Variants in ACBD6 observed in about 807,000 individuals in gnomAD.
The protein encoded by ACBD6 is acyl-CoA binding domain containing 6, also known as acyl-CoA-binding domain-containing protein 6.
ACBD6 carries 28 observed loss-of-function variants against 37.2 expected under a neutral mutation model. The ratio of observed to expected loss-of-function variants is 0.75; its 90% CI spans 0.56 to 1.03. The LOEUF is 1.03. Ranked by LOEUF, ACBD6 falls within the 50% of genes least tolerant of loss-of-function variation. ACBD6 has a pLI of 0.00. For missense variants in ACBD6, 340 were observed against 337.4 expected (o/e 1.01, Z -0.06); for synonymous variants, 113 against 126.8 (o/e 0.89, Z 0.73).
chr1:180,271,540 A>G (rs1364289106), exon 14 of ACBD6: 1 of 1,614,006 alleles, frequency 6.2e-7, no homozygotes, highest in South Asian at 1.1e-5. Flanking sequence ...TACAGGTGAG[A>G]TGCCAGCACT....
intron 3 of ACBD6, among the ~76,000 whole-genome samples, chr1:180,453,678 T>C (rs888902043): frequency 6.6e-6 from 1 of 152,246 alleles, no homozygotes; most frequent in Non-Finnish European, 1.5e-5. Flanking sequence ...CTCCTAAAGC[T>C]GATAAGCAAC....
chr1:180,288,967 C>T (rs1489446606), intron 7 of ACBD6, among the ~76,000 whole-genome samples: 1 of 146,950 alleles, frequency 6.8e-6, no homozygotes, highest in Non-Finnish European at 1.5e-5. Context: ...GGGTAACTAA[C>T]TGAACTTTAC....
chr1:180,392,854 C>T (rs554843750), intron 6 of ACBD6, among the ~76,000 whole-genome samples: 3 of 152,012 alleles, frequency 2.0e-5, no homozygotes, highest in Non-Finnish European at 2.9e-5. Flanking sequence ...TAAGCTTATA[C>T]AATTTATATG....
intron 4 of ACBD6, among the ~76,000 whole-genome samples, chr1:180,420,116 T>C (rs1015761219): frequency 4.3e-4 from 65 of 151,846 alleles, no homozygotes; most frequent in African/African-American, 1.5e-3. Flanking sequence ...TTCCTCATCA[T>C]ATCTATCTGG....
At chr1:180,349,157 T>C (rs543267941) in intron 6 of ACBD6, among the ~76,000 whole-genome samples, 5 of 151,966 alleles carry the variant, frequency 3.3e-5, no homozygotes, top group African/African-American at 7.2e-5. Flanking sequence ...TATTTACTTA[T>C]AAAAAAATAG....
chr1:180,476,984 A>G (rs1196886238), intron 3 of ACBD6, among the ~76,000 whole-genome samples: 1 of 152,220 alleles, frequency 6.6e-6, no homozygotes, highest in Admixed American at 6.5e-5. Context: ...ATTACACAAT[A>G]TAATGCTTTG....
intron 3 of ACBD6, among the ~76,000 whole-genome samples, chr1:180,455,386 G>A (rs949504340): frequency 6.6e-6 from 1 of 152,052 alleles, no homozygotes. Context: ...TGGGGGACAG[G>A]GGGAGGGATA....
intron 6 of ACBD6, among the ~76,000 whole-genome samples, chr1:180,362,081 A>T (rs955045688): frequency 1.3e-5 from 2 of 152,138 alleles, no homozygotes; most frequent in African/African-American, 4.8e-5. Context: ...AATATCTTTA[A>T]TCATACTAAA....
In ACBD6 at chr1:180,416,674, A is replaced by C. The variant is rs1470461924; in HGVS notation, c.468-3203T>G. Among the ~76,000 whole-genome samples, 9 of 152,330 alleles carry C rather than the reference A, an allele frequency of 5.9e-5. 1 individual carries two copies. The East Asian group carries it at 1.2e-3, about 20-fold the overall frequency. On this transcript the variant is annotated intron_variant, in intron 4 of 7. Coordinates refer to ENST00000367595, the MANE Select transcript of ACBD6 (RefSeq NM_032360.4). ...AATACATTTATATTCCTGAAGGAAT[A>C]ATCACTGGTTTTGACATTCTTTTGA...
intron 6 of ACBD6, among the ~76,000 whole-genome samples, chr1:180,349,456 C>T (rs1266339951): frequency 1.3e-5 from 2 of 151,830 alleles, no homozygotes; most frequent in Admixed American, 6.6e-5. Flanking sequence ...GGGGTTTCAC[C>T]GTGTTAGCCA....
At chr1:180,379,055 G>C (rs963348680) in intron 6 of ACBD6, among the ~76,000 whole-genome samples, 5 of 152,072 alleles carry the variant, frequency 3.3e-5, no homozygotes, top group Admixed American at 6.5e-5. Context: ...ACACCACCCT[G>C]GGGTCTAAAG....
At chr1:180,371,738 G>C (rs1653273171) in intron 6 of ACBD6, among the ~76,000 whole-genome samples, 1 of 151,996 alleles carries the variant, frequency 6.6e-6, no homozygotes, top group African/African-American at 2.4e-5. Context: ...AACCACTAGA[G>C]GTTTTTGATC....
intron 7 of ACBD6, among the ~76,000 whole-genome samples, chr1:180,312,017 C>A (rs780409758): frequency 1.3e-5 from 2 of 152,174 alleles, no homozygotes; most frequent in African/African-American, 2.4e-5. Context: ...TTTGGAAGAA[C>A]AAGTCCTTCT....
chr1:180,489,498 A>G (rs1246941484), intron 3 of ACBD6, among the ~76,000 whole-genome samples: 1 of 151,200 alleles, frequency 6.6e-6, no homozygotes, highest in Non-Finnish European at 1.5e-5. Context: ...TTAATGTATT[A>G]AATATATTAA....
chr1:180,304,147 A>G (rs1650250348), intron 7 of ACBD6, among the ~76,000 whole-genome samples: 1 of 150,952 alleles, frequency 6.6e-6, no homozygotes, highest in Admixed American at 6.6e-5. Context: ...CACAGCCAAT[A>G]TCATACTGAA....
At chr1:180,390,880 A>G (rs1037430072) in intron 6 of ACBD6, among the ~76,000 whole-genome samples, 1 of 152,176 alleles carries the variant, frequency 6.6e-6, no homozygotes, top group Non-Finnish European at 1.5e-5. Flanking sequence ...AATAGCCAAA[A>G]CAACTTTGAA....
chr1:180,274,040 T>C lies in ACBD6; in HGVS notation c.*1009A>G, dbSNP rs548509010. The C allele has an allele frequency of 1.5e-4, 138 of 950,884 alleles. 3 individuals carry two copies. In the South Asian group the frequency reaches 1.7e-3, roughly 12 times the overall value. 58.9% of individuals were successfully genotyped at this position (950,884 alleles called of 1,614,324 possible). ...GGCCTCTGGATATCAGGCTGCCATATTGGTGTGTCTGACCCATGCTTGGCT... is the reference window on the plus strand; with the variant it reads ...GGCCTCTGGATATCAGGCTGCCATACTGGTGTGTCTGACCCATGCTTGGCT... On this transcript the variant is annotated 3_prime_UTR_variant, in exon 11 of 14. Coordinates refer to the ACBD6 transcript ENST00000642319.
At chr1:180,501,922 A>T in intron 1 of ACBD6, 123 bp downstream of exon 1, 1 of 960,860 alleles carries the variant, frequency 1.0e-6, no homozygotes, top group East Asian at 2.6e-5. Context: ...AAAAAAACAA[A>T]ACAAAATACA....
chr1:180,424,886 G>C (rs1481736493), intron 4 of ACBD6, among the ~76,000 whole-genome samples: 1 of 152,140 alleles, frequency 6.6e-6, no homozygotes, highest in Non-Finnish European at 1.5e-5. Context: ...GAGCACACAG[G>C]AGGTAAATGA....
Sources: allele counts gnomAD v4.1 joint callset (sites outside exome capture counted in the v4.1 genomes callset), GRCh38; gene constraint gnomAD v4.1.1; transcripts MANE v1.5; gene names NCBI Gene and HGNC (gene_info 2026-07-23, HGNC 2026-07-21).